PTK7: variants seen among roughly 807,000 people sequenced by gnomAD.
PTK7 encodes the protein inactive tyrosine-protein kinase 7.
A neutral mutation model predicts 116.6 loss-of-function variants in PTK7; 39 were observed. The observed-to-expected ratio is 0.33, with a 90% CI of 0.26 to 0.44. The LOEUF is 0.44. Ranked by LOEUF, PTK7 falls within the 20% of genes least tolerant of loss-of-function variation. The pLI is 1.00. For synonymous variants in PTK7, 546 were observed against 563.6 expected, an observed-to-expected ratio of 0.97 and a Z score of 0.44; for missense variants, 1,169 against 1,425.6, an observed-to-expected ratio of 0.82 and a Z score of 2.90.
intron 17 of PTK7, among the ~76,000 whole-genome samples, chr6:43,158,070 G>A (rs1484428583): frequency 2.0e-5 from 3 of 151,974 alleles, no homozygotes; most frequent in Admixed American, 6.6e-5. Context: ...AGGCCGAGGC[G>A]GGCGGATCAC....
chr6:43,150,116 C>T (rs932208641), intron 17 of PTK7, among the ~76,000 whole-genome samples: 6 of 152,198 alleles, frequency 3.9e-5, no homozygotes, highest in African/African-American at 1.4e-4. Flanking sequence ...CTTCATGGAT[C>T]ACTTGTGAAC....
intron 17 of PTK7, among the ~76,000 whole-genome samples, chr6:43,157,170 T>TGG (rs1771483352): frequency 6.9e-6 from 1 of 144,336 alleles, no homozygotes; most frequent in Non-Finnish European, 1.5e-5. Context: ...GGATTGTGGT[T>TGG]TTTTTTTTTT....
chr6:43,090,407 C>T (rs1766881498), intron 1 of PTK7, among the ~76,000 whole-genome samples: 1 of 152,182 alleles, frequency 6.6e-6, no homozygotes, highest in Non-Finnish European at 1.5e-5. Flanking sequence ...TCGGTATTTG[C>T]AAATTTGAAA....
At chr6:43,096,760 G>T (rs151092394) in intron 1 of PTK7, among the ~76,000 whole-genome samples, 1 of 152,368 alleles carries the variant, frequency 6.6e-6, no homozygotes, top group Non-Finnish European at 1.5e-5. Context: ...GTCCGGTAGG[G>T]CCCTGCCTGA....
chr6:43,153,382 G>A (rs900947621), intron 17 of PTK7, among the ~76,000 whole-genome samples: 1 of 151,478 alleles, frequency 6.6e-6, no homozygotes, highest in African/African-American at 2.4e-5. Flanking sequence ...CAAAGTGCTG[G>A]GATTACAGGC....
In PTK7 at chr6:43,133,996, C is replaced by T. The variant is rs141569402; in HGVS notation, c.1228+1309C>T. 9.6e-3 allele frequency among the ~76,000 whole-genome samples: 1,462 copies of T among 152,344 alleles called. 28 individuals carry two copies. Among genetic ancestry groups the T allele is most frequent in the African/African-American group, 0.032 (1,322 of 41,580 alleles). On this transcript the variant is annotated intron_variant, in intron 7 of 19. Coordinates refer to ENST00000230419, the MANE Select transcript of PTK7 (RefSeq NM_002821.5). ...AAGGCAAGATGCACAGTCAAGCCTT[C>T]CTCCAGTTGAGGTCTGAGAATCACC...
intron 1 of PTK7, among the ~76,000 whole-genome samples, chr6:43,117,304 A>T (rs1187527123): frequency 1.3e-5 from 2 of 152,254 alleles, no homozygotes; most frequent in East Asian, 3.8e-4. Context: ...AGTAGGAAGC[A>T]GGTGAGAGAT....
chr6:43,151,799 AGT>A (rs1771111938), intron 17 of PTK7, among the ~76,000 whole-genome samples: 1 of 150,178 alleles, frequency 6.7e-6, no homozygotes, highest in African/African-American at 2.5e-5. Flanking sequence ...GGCCTCCCAA[AGT>A]GCTGGGATTA....
chr6:43,160,305 TG>T (rs1044920043), intron 19 of PTK7, among the ~76,000 whole-genome samples: 2 of 152,014 alleles, frequency 1.3e-5, no homozygotes, highest in South Asian at 2.1e-4. Flanking sequence ...TTAGTAGAGA[TG>T]GGGGGGCTTC....
At chr6:43,124,191 G>T (rs1356498735) in intron 1 of PTK7, among the ~76,000 whole-genome samples, 1 of 152,212 alleles carries the variant, frequency 6.6e-6, no homozygotes, top group Non-Finnish European at 1.5e-5. Flanking sequence ...GGACAGGAAT[G>T]TGCTGGTGAC....
intron 1 of PTK7, among the ~76,000 whole-genome samples, chr6:43,101,376 C>T (rs1194049244): frequency 6.6e-6 from 1 of 151,566 alleles, no homozygotes; most frequent in Non-Finnish European, 1.5e-5. Context: ...CATGGTGAAA[C>T]TCTGTCTCTA....
chr6:43,079,912 A>T (rs1766276108), intron 1 of PTK7, among the ~76,000 whole-genome samples: 1 of 151,006 alleles, frequency 6.6e-6, no homozygotes, highest in African/African-American at 2.4e-5. Flanking sequence ...AAAAAAAAAA[A>T]TTGCCAGGCA....
chr6:43,113,184 C>T (rs906798780), intron 1 of PTK7, among the ~76,000 whole-genome samples: 4 of 152,134 alleles, frequency 2.6e-5, no homozygotes, highest in African/African-American at 9.7e-5. Context: ...GTAATCCCAG[C>T]ACTTGGGGAG....
intron 1 of PTK7, among the ~76,000 whole-genome samples, chr6:43,122,532 C>T (rs911566959): frequency 6.6e-6 from 1 of 152,178 alleles, no homozygotes; most frequent in African/African-American, 2.4e-5. Context: ...CCCACCTTGA[C>T]CTGGACTCTA....
intron 1 of PTK7, among the ~76,000 whole-genome samples, chr6:43,098,673 A>G (rs905395347): frequency 2.6e-5 from 4 of 152,200 alleles, no homozygotes; most frequent in African/African-American, 9.6e-5. Context: ...GATTTTTTAA[A>G]AGTAGTAAAC....
rs1771809628 is a variant in PTK7 at position 43,160,890 on chromosome 6, C to A, written c.*9C>A. On this transcript the variant is annotated 3_prime_UTR_variant, in exon 20 of 20. Coordinates refer to ENST00000230419, the MANE Select transcript of PTK7 (RefSeq NM_002821.5). ...TGGACAGCAAGCCGTGAGGAGGGAGCCCGCTCAGGATGGCCTGGGCAGGGG... is the reference window on the plus strand; with the variant it reads ...TGGACAGCAAGCCGTGAGGAGGGAGACCGCTCAGGATGGCCTGGGCAGGGG... 1 of 1,612,984 alleles carries A rather than the reference C, an allele frequency of 6.2e-7. No homozygotes were observed. The highest frequency in any genetic ancestry group is 1.3e-5 in the African/African-American group (1 of 74,928).
chr6:43,076,796 G>C lies in PTK7; in HGVS notation c.79+229G>C. The stretch of plus-strand genomic sequence containing the variant: ...GGTACCCCTCCCACTCGCGCCGCGG[G>C]GACGCATTTCCAGCCTCCCTGAGTT... On this transcript the variant is annotated intron_variant, in intron 1 of 19. Coordinates refer to ENST00000230419, the MANE Select transcript of PTK7 (RefSeq NM_002821.5). The surrounding 1 kb of genome is among the most constrained non-coding windows in gnomAD (Gnocchi z 5.7). 1 of 1,409,284 alleles carries C rather than the reference G, an allele frequency of 7.1e-7. No individual in the cohort carries two copies. Among genetic ancestry groups the C allele is most frequent in the Non-Finnish European group, 9.2e-7 (1 of 1,081,850 alleles). 87.3% of individuals were successfully genotyped at this position (1,409,284 alleles called of 1,614,324 possible). A position where few individuals can be genotyped will look rare whatever the true frequency, so the allele number is the denominator to read the frequency against.
rs1769519519 is a variant in PTK7 at position 43,129,435 on chromosome 6, T to C, written c.367+171T>C. On this transcript the variant is annotated intron_variant, in intron 2 of 19. Coordinates refer to ENST00000230419, the MANE Select transcript of PTK7 (RefSeq NM_002821.5). This position sits in a 1 kb window ranked among gnomAD's most constrained non-coding sequence, Gnocchi z 4.5. ...GTGGATAAGAGGAAATTAAAAGTTATATTTTTTCCAAAATTTTTTCCTTCA... is the reference window on the plus strand; with the variant it reads ...GTGGATAAGAGGAAATTAAAAGTTACATTTTTTCCAAAATTTTTTCCTTCA... 3.9e-6 allele frequency: 4 copies of C among 1,022,692 alleles called. No homozygotes were observed. The South Asian group carries it at 5.2e-5, about 13-fold the overall frequency. 63.4% of individuals were successfully genotyped at this position (1,022,692 alleles called of 1,614,324 possible). A position where few individuals can be genotyped will look rare whatever the true frequency, so the allele number is the denominator to read the frequency against.
At chr6:43,119,132 T>C (rs2150413524) in intron 1 of PTK7, among the ~76,000 whole-genome samples, 1 of 151,918 alleles carries the variant, frequency 6.6e-6, no homozygotes, top group Non-Finnish European at 1.5e-5. Context: ...TCCCCAAGGG[T>C]AGGGTGGGTG....
Sources: gnomAD v4.1 joint callset for allele counts (sites outside exome capture counted in the v4.1 genomes callset) on GRCh38, gnomAD v4.1.1 for gene constraint, Gnocchi (gnomAD v3.1) non-coding constraint, MANE v1.5 for transcripts, NCBI Gene and HGNC (gene_info 2026-07-23, HGNC 2026-07-21) for gene names.